The following RGS9 variants were observed in gnomAD, a reference collection of about 807,000 sequenced individuals.
RGS9 encodes the protein regulator of G-protein signalling 9.
Under a neutral mutation model 102.0 loss-of-function variants are expected in RGS9, and 78 were observed. The ratio of observed to expected loss-of-function variants is 0.76; its 90% CI spans 0.64 to 0.92. The LOEUF (loss-of-function observed/expected upper bound fraction) is 0.92, where lower values mean the gene tolerates loss of function less well. RGS9 is among the 40% of genes least tolerant of loss of function. The pLI, the probability that RGS9 is intolerant of heterozygous loss-of-function variation, is 0.00. For synonymous variants in RGS9, 353 were observed against 318.6 expected (o/e 1.11, Z -1.15); for missense variants, 833 against 866.1 (o/e 0.96, Z 0.48).
intron 7 of RGS9, among the ~76,000 whole-genome samples, chr17:65,166,297 AAAGAG>A: frequency 6.6e-6 from 1 of 152,222 alleles, no homozygotes; most frequent in African/African-American, 2.4e-5. Context: ...CTGTCAATGG[AAAGAG>A]TGTCAAAGAA....
chr17:65,197,192 C>T lies in RGS9; in HGVS notation c.927C>T (p.Asp309=), dbSNP rs755822351. 1 of 1,613,954 alleles carries T rather than the reference C, an allele frequency of 6.2e-7. No individual in the cohort carries two copies. Among genetic ancestry groups the T allele is most frequent in the South Asian group, 1.1e-5 (1 of 91,014 alleles). ...WAFNFSELIR[D]PKGRQSFQYF... is the part of the protein sequence containing the mutation. ...TCAACTTCAGCGAATTGATCCGAGA[C>T]CCCAAAGGTCGACAGAGCTTCCAGT... is the stretch of plus-strand genomic sequence containing the variant. The change falls in exon 13 of 19, where the codon GAC becomes GAT. Residue 309 remains aspartate, a synonymous_variant. Transcript: ENST00000262406.
chr17:65,181,378 C>T (rs977426012), intron 9 of RGS9, among the ~76,000 whole-genome samples: 20 of 152,274 alleles, frequency 1.3e-4, no homozygotes, highest in East Asian at 1.9e-4. Context: ...ATTTGCATTT[C>T]GAGAATGAGT....
intron 9 of RGS9, among the ~76,000 whole-genome samples, chr17:65,188,017 C>A (rs1198107338): frequency 3.3e-5 from 5 of 152,034 alleles, no homozygotes; most frequent in African/African-American, 1.2e-4. Flanking sequence ...ATAACAACAA[C>A]AACAGCAACA....
intron 6 of RGS9, among the ~76,000 whole-genome samples, chr17:65,162,506 A>G (rs145415749): frequency 9.8e-5 from 15 of 152,318 alleles, no homozygotes; most frequent in Non-Finnish European, 1.9e-4. Flanking sequence ...TCTGTCACCC[A>G]GCCTGGAGTG....
intron 14 of RGS9, 53 bp from the exon 15 acceptor site, chr17:65,204,110 C>A: frequency 5.0e-6 from 8 of 1,607,150 alleles, no homozygotes; most frequent in Non-Finnish European, 6.8e-6. Flanking sequence ...TGTGAGCTAT[C>A]CATGAATTGA....
rs186218868 is a variant in RGS9 at position 65,166,914 on chromosome 17, A to T, written c.501-1286A>T. ...CCAAATGGAATGGCGCTGTTCACCC[A>T]TCTGGCTCCCTGAGTGTTATGATGT... On this transcript the variant is annotated intron_variant, in intron 7 of 18. Transcript: ENST00000262406. Among the ~76,000 whole-genome samples the T allele has an allele frequency of 2.8e-3, 421 of 152,334 alleles. 2 individuals carry two copies. Among genetic ancestry groups the T allele is most frequent in the African/African-American group, 9.5e-3 (396 of 41,582 alleles).
chr17:65,196,539 G>T (rs976736259), intron 12 of RGS9, among the ~76,000 whole-genome samples: 7 of 152,214 alleles, frequency 4.6e-5, no homozygotes, highest in African/African-American at 1.7e-4. Flanking sequence ...AAACAAGGAG[G>T]TGCAGTGGGA....
intron 13 of RGS9, among the ~76,000 whole-genome samples, chr17:65,197,917 C>T (rs1912659831): frequency 6.6e-6 from 1 of 152,144 alleles, no homozygotes; most frequent in Non-Finnish European, 1.5e-5. Flanking sequence ...GTGATCTGCC[C>T]TCCCCAGCCT....
At chr17:65,143,936 G>GAAAA (rs35132424) in intron 1 of RGS9, among the ~76,000 whole-genome samples, 1 of 138,258 alleles carries the variant, frequency 7.2e-6, no homozygotes, top group African/African-American at 2.7e-5. Flanking sequence ...ACTCCAGCCT[G>GAAAA]AAAAAAAAAA....
rs758610394 is a variant in RGS9 at position 65,153,466 on chromosome 17, C to T, written c.102C>T (p.Val34=). ...VKDMQNPETG[V]RMQNQRVLVT... Reference sequence around the variant, plus strand: ...ACATGCAGAACCCAGAGACAGGGGTCCGAATGCAGAACCAGAGGGTCCTGG... The same window carrying T: ...ACATGCAGAACCCAGAGACAGGGGTTCGAATGCAGAACCAGAGGGTCCTGG... The change falls in exon 2 of 19, where the codon GTC becomes GTT. Residue 34 remains valine (V), a synonymous_variant. Transcript: ENST00000262406. The T allele has an allele frequency of 9.9e-6, 16 of 1,614,034 alleles. No homozygotes were observed. Among genetic ancestry groups the T allele is most frequent in the Non-Finnish European group, 1.3e-5 (15 of 1,180,010 alleles).
At chr17:65,144,748 A>G (rs1207448243) in intron 1 of RGS9, among the ~76,000 whole-genome samples, 2 of 152,332 alleles carry the variant, frequency 1.3e-5, no homozygotes, top group East Asian at 3.9e-4. Context: ...GAAACAGTTC[A>G]GATTCTCTCC....
intron 13 of RGS9, among the ~76,000 whole-genome samples, chr17:65,198,674 C>A (rs142757572): frequency 3.3e-4 from 50 of 152,358 alleles, no homozygotes; most frequent in African/African-American, 1.2e-3. Flanking sequence ...TTACGGGATT[C>A]TTTTACTTCC....
intron 17 of RGS9, among the ~76,000 whole-genome samples, chr17:65,221,404 G>T (rs925769322): frequency 1.3e-5 from 2 of 152,168 alleles, no homozygotes; most frequent in Non-Finnish European, 2.9e-5. Context: ...CTGAGGAAGT[G>T]GAATGGAAGT....
Position 65,202,042 on chromosome 17 carries a change from T to A in RGS9, c.1026T>A (p.Asp342Glu). Reference protein sequence around the residue: ...WEACEDLKYGDQSKVKEKAEE... With the variant: ...WEACEDLKYGEQSKVKEKAEE... ...CCTGCGAGGATCTGAAGTATGGAGA[T>A]CAGTCCAAAGTCAAGGAGAAAGCAG... is the stretch of plus-strand genomic sequence containing the variant. Residue 342 changes from aspartate (D) to glutamate (E), a missense_variant, in exon 14 of 19, where the codon GAT (aspartate) becomes GAA (glutamate). Around this residue, in one of 3 missense-constraint regions of RGS9, gnomAD observed 185 missense variants for 248.7 expected, o/e 0.74. Transcript: ENST00000262406. 6.2e-7 allele frequency: 1 copy of A among 1,613,796 alleles called. No homozygotes were observed. The highest frequency in any genetic ancestry group is 8.5e-7 in the Non-Finnish European group (1 of 1,179,826).
chr17:65,162,446 A>T (rs1483734125), intron 6 of RGS9, among the ~76,000 whole-genome samples: 1 of 151,926 alleles, frequency 6.6e-6, no homozygotes, highest in African/African-American at 2.4e-5. Flanking sequence ...CAGATTTGGG[A>T]TACATTTATT....
rs1001101074 is a variant in RGS9, at chr17:65,168,396, A to G, written c.582+115A>G. On this transcript the variant is annotated intron_variant, in intron 8 of 18. Transcript: ENST00000262406. ...TCTCTAGGGCGAGAATTGGATCAGC[A>G]GGAGGAGCTGCTCAGTGTTGGGTTA... 5.3e-6 allele frequency: 4 copies of G among 754,986 alleles called. No individual in the cohort carries two copies. The African/African-American group carries it at 6.9e-5, about 13-fold the overall frequency. The allele number at this position is 754,986 out of a possible 1,614,324, so 46.8% of individuals were successfully genotyped here.
chr17:65,189,188 T>C, intron 9 of RGS9, 98 bp from the exon 10 acceptor site: 1 of 1,058,672 alleles, frequency 9.4e-7, no homozygotes, highest in Non-Finnish European at 1.5e-6. Flanking sequence ...AAAATGGGCA[T>C]TTTTCTCATG....
chr17:65,195,527 G>A (rs182365770), intron 12 of RGS9, among the ~76,000 whole-genome samples: 9 of 152,078 alleles, frequency 5.9e-5, no homozygotes, highest in South Asian at 4.2e-4. Context: ...ACTGTGCCGC[G>A]TACACTGAAC....
intron 7 of RGS9, among the ~76,000 whole-genome samples, chr17:65,167,883 C>T (rs1203091435): frequency 6.6e-6 from 1 of 152,120 alleles, no homozygotes; most frequent in African/African-American, 2.4e-5. Flanking sequence ...GCCACTTCTG[C>T]CAATTGCTAG....
Sources: allele counts gnomAD v4.1 joint callset (sites outside exome capture counted in the v4.1 genomes callset), GRCh38; gene constraint gnomAD v4.1.1; regional missense constraint gnomAD v4.1.1; transcripts MANE v1.5; gene names NCBI Gene and HGNC (gene_info 2026-07-23, HGNC 2026-07-21).